The following CCDC18 variants were observed in gnomAD, a reference collection of about 807,000 sequenced individuals.
CCDC18 encodes coiled-coil domain containing 18.
CCDC18 carries 157 observed loss-of-function variants against 196.0 expected under a neutral mutation model. The ratio of observed to expected loss-of-function variants is 0.80; its 90% CI spans 0.70 to 0.91. The LOEUF is 0.91. Among genes scored for constraint, CCDC18 ranks in the 40% least tolerant of loss-of-function variants. The pLI, the probability that CCDC18 is intolerant of heterozygous loss-of-function variation, is 0.00. For missense variants in CCDC18, 1,465 were observed against 1,611.6 expected (o/e 0.91, Z 1.56); for synonymous variants, 482 against 529.2 (o/e 0.91, Z 1.22).
At position 93,210,876 on chromosome 1, in the gene CCDC18, C is replaced by T; in HGVS notation, c.1284C>T (p.Asp428=). Residue 428 remains aspartate, a synonymous_variant, in exon 10 of 29, where the codon GAC becomes GAT. Coordinates refer to ENST00000690025, the MANE Select transcript of CCDC18 (RefSeq NM_001378204.1). ...TGAGTAGCTTCTCAAACAAGGAAGACCGTTGCATTGGCTGCTGTGAGGCAA... is the reference window on the plus strand; with the variant it reads ...TGAGTAGCTTCTCAAACAAGGAAGATCGTTGCATTGGCTGCTGTGAGGCAA... ...YQMSSFSNKE[D]RCIGCCEANK... 1 of 1,613,534 alleles carries T rather than the reference C, an allele frequency of 6.2e-7. No homozygotes were observed.
At chr1:93,180,298 C>T (rs1192464291), upstream of CCDC18, 37 of 1,529,226 alleles carry the variant, frequency 2.4e-5, no homozygotes, top group African/African-American at 4.2e-5. Context: ...GTCTCCGCTC[C>T]GCGTTTCCTC....
At chr1:93,256,891 C>A (rs1663031688) in intron 25 of CCDC18, among the ~76,000 whole-genome samples, 1 of 152,028 alleles carries the variant, frequency 6.6e-6, no homozygotes, top group Non-Finnish European at 1.5e-5. Context: ...TAAAGCTAAT[C>A]TTTTTTGAGT....
chr1:93,217,210 A>C (rs1570401781), intron 13 of CCDC18, among the ~76,000 whole-genome samples: 1 of 152,308 alleles, frequency 6.6e-6, no homozygotes, highest in East Asian at 1.9e-4. Flanking sequence ...TTGGGATTAC[A>C]GGCGTGAGCC....
chr1:93,237,621 C>T (rs1442623518), intron 19 of CCDC18, among the ~76,000 whole-genome samples: 4 of 152,140 alleles, frequency 2.6e-5, no homozygotes, highest in Admixed American at 6.6e-5. Context: ...AGCTCTTGTA[C>T]CACAGGGTCC....
upstream of CCDC18, chr1:93,180,507 TC>T: frequency 6.5e-7 from 1 of 1,533,832 alleles, no homozygotes; most frequent in Admixed American, 2.0e-5. Flanking sequence ...CGCCCGCCTC[TC>T]CCCCTGACGG....
At chr1:93,252,250 C>T (rs1232423230) in intron 23 of CCDC18, among the ~76,000 whole-genome samples, 4 of 152,068 alleles carry the variant, frequency 2.6e-5, no homozygotes, top group African/African-American at 7.2e-5. Context: ...CTATGTGACT[C>T]AGTCTGGTCT....
chr1:93,269,169 T>C (rs1293148465), intron 27 of CCDC18, among the ~76,000 whole-genome samples: 6 of 150,808 alleles, frequency 4.0e-5, no homozygotes, highest in African/African-American at 1.5e-4. Context: ...AGCAAACTAT[T>C]GCAAGGACAA....
chr1:93,180,328 A>C (rs2101215354), upstream of CCDC18: 1 of 1,443,578 alleles, frequency 6.9e-7, no homozygotes. Flanking sequence ...CTCGTGGTTG[A>C]CAGGGAAATC....
chr1:93,220,129 T>G (rs967340230), intron 14 of CCDC18, among the ~76,000 whole-genome samples: 1 of 152,100 alleles, frequency 6.6e-6, no homozygotes. Flanking sequence ...CAAAAAACTT[T>G]GAAAGCACCC....
chr1:93,232,320 C>T, intron 17 of CCDC18, 106 bp from the exon 18 acceptor site: 1 of 665,544 alleles, frequency 1.5e-6, no homozygotes, highest in South Asian at 2.2e-5. Context: ...AATTGTCCCA[C>T]ATGACAAGTG....
At chr1:93,205,089 C>A (rs546704346) in intron 7 of CCDC18, among the ~76,000 whole-genome samples, 16 of 152,270 alleles carry the variant, frequency 1.1e-4, no homozygotes, top group Non-Finnish European at 1.5e-4. Context: ...GGCAGATCTA[C>A]CCAATCTTCT....
At chr1:93,210,961 G>T (rs1405380937) in intron 10 of CCDC18, 35 bp downstream of exon 10, 3 of 1,609,446 alleles carry the variant, frequency 1.9e-6, no homozygotes, top group African/African-American at 1.3e-5. Context: ...ATAGCAAATA[G>T]AATGTTTTTT....
chr1:93,239,490 A>G lies in CCDC18; in HGVS notation c.2767+17A>G. The stretch of plus-strand genomic sequence containing the variant: ...CAAATGCTGGTAAGCAAGTGGTTAG[A>G]TGAGTATAGCTGCCTATGTATTTGT... On this transcript the variant is annotated intron_variant, in intron 20 of 28. Transcript: ENST00000690025. The G allele has an allele frequency of 1.2e-6, 2 of 1,602,932 alleles. No homozygotes were observed. The highest frequency in any genetic ancestry group is 1.7e-6 in the Non-Finnish European group (2 of 1,175,560).
At chr1:93,196,085 G>A (rs1488130726) in intron 6 of CCDC18, among the ~76,000 whole-genome samples, 1 of 152,174 alleles carries the variant, frequency 6.6e-6, no homozygotes, top group Non-Finnish European at 1.5e-5. Flanking sequence ...CACTTTGTGG[G>A]GCCGAGATAG....
chr1:93,263,038 AGCCATGG>A (rs1434222485), intron 26 of CCDC18, among the ~76,000 whole-genome samples: 1 of 152,022 alleles, frequency 6.6e-6, no homozygotes, highest in Non-Finnish European at 1.5e-5. Flanking sequence ...GACCCCTTTT[AGCCATGG>A]GTGGAGCTGA....
chr1:93,262,686 C>T (rs1663970853), intron 26 of CCDC18, among the ~76,000 whole-genome samples: 1 of 152,198 alleles, frequency 6.6e-6, no homozygotes, highest in Non-Finnish European at 1.5e-5. Context: ...TTTCCAAGTG[C>T]ACGGTGCAAG....
At chr1:93,231,177 T>C (rs550527871) in intron 17 of CCDC18, among the ~76,000 whole-genome samples, 2 of 152,234 alleles carry the variant, frequency 1.3e-5, no homozygotes, top group Non-Finnish European at 2.9e-5. Flanking sequence ...GTGATTCTCT[T>C]CCGCTATTTA....
chr1:93,183,400 T>C lies in CCDC18; in HGVS notation c.39T>C (p.Asn13=), dbSNP rs562215520. 1.0e-5 allele frequency: 16 copies of C among 1,601,826 alleles called. No individual in the cohort carries two copies. Among genetic ancestry groups the C allele is most frequent in the Admixed American group, 1.7e-5 (1 of 59,284 alleles). The change falls in exon 2 of 29, where the codon AAT becomes AAC. Residue 13 remains asparagine (N), a synonymous_variant. Coordinates refer to ENST00000690025, the MANE Select transcript of CCDC18 (RefSeq NM_001378204.1). ...SSSSDYYNKD[N]EEESLLANVA... Reference sequence around the variant, plus strand: ...CATCAGACTACTATAATAAAGACAATGAAGAGGAAAGTTTGCTTGCAAATG... The same window carrying C: ...CATCAGACTACTATAATAAAGACAACGAAGAGGAAAGTTTGCTTGCAAATG...
chr1:93,231,942 T>C (rs1659302050), intron 17 of CCDC18, among the ~76,000 whole-genome samples: 1 of 152,234 alleles, frequency 6.6e-6, no homozygotes, highest in Admixed American at 6.5e-5. Context: ...AAACCATGGC[T>C]GCCTATGCTG....
Sources: allele counts gnomAD v4.1 joint callset (sites outside exome capture counted in the v4.1 genomes callset), GRCh38; gene constraint gnomAD v4.1.1; transcripts MANE v1.5; gene names NCBI Gene and HGNC (gene_info 2026-07-23, HGNC 2026-07-21).